Variants in PRKACA observed in about 807,000 individuals in gnomAD.
PRKACA encodes the protein cAMP-dependent protein kinase catalytic subunit alpha.
PRKACA carries 9 observed loss-of-function variants against 45.8 expected under a neutral mutation model. The observed-to-expected ratio is 0.20, with a 90% CI of 0.12 to 0.34. PRKACA has a LOEUF of 0.34. PRKACA is among the 10% of genes least tolerant of loss of function. The pLI, the probability that PRKACA is intolerant of heterozygous loss-of-function variation, is 1.00. For missense variants in PRKACA, 238 were observed against 458.6 expected (o/e 0.52, Z 4.39); for synonymous variants, 160 against 178.6 (o/e 0.90, Z 0.83).
At chr19:14,109,993 T>TAC (rs1568537553) in intron 1 of PRKACA, among the ~76,000 whole-genome samples, 2 of 78,908 alleles carry the variant, frequency 2.5e-5, no homozygotes, top group Non-Finnish European at 4.4e-5. Context: ...TATATATATA[T>TAC]ATATATACAC....
intron 1 of PRKACA, among the ~76,000 whole-genome samples, chr19:14,110,646 G>A (rs1225544838): frequency 2.0e-5 from 3 of 152,090 alleles, no homozygotes; most frequent in Admixed American, 6.6e-5. Context: ...TCTTAAATGC[G>A]CAGCCTGACA....
chr19:14,101,104 G>A, intron 4 of PRKACA, 196 bp from the exon 5 acceptor site: 1 of 573,328 alleles, frequency 1.7e-6, no homozygotes, highest in East Asian at 3.0e-5. Context: ...TCAGAGGTAT[G>A]TCAGGACCTG....
intron 3 of PRKACA, among the ~76,000 whole-genome samples, chr19:14,106,378 G>A (rs543809898): frequency 9.9e-5 from 15 of 152,204 alleles, no homozygotes; most frequent in African/African-American, 3.6e-4. Context: ...AAGCGGCCAG[G>A]CGCGGTGGCT....
intron 2 of PRKACA, 66 bp from the exon 3 acceptor site, chr19:14,106,954 GGGCA>G: frequency 6.3e-7 from 1 of 1,584,006 alleles, no homozygotes; most frequent in African/African-American, 1.4e-5. Context: ...CTAAGGTCTG[GGGCA>G]TCCCCTCTGC....
chr19:14,108,705 C>T (rs975123594), intron 1 of PRKACA, among the ~76,000 whole-genome samples: 1 of 151,120 alleles, frequency 6.6e-6, no homozygotes, highest in Admixed American at 6.6e-5. Context: ...CCACCATGCC[C>T]GGCCAATTTA....
intron 1 of PRKACA, among the ~76,000 whole-genome samples, chr19:14,116,963 AG>A (rs961223939): frequency 7.7e-5 from 7 of 90,552 alleles, no homozygotes; most frequent in Non-Finnish European, 1.3e-4. Context: ...TGGGTTTGGA[AG>A]GGGGGGCTGT....
At chr19:14,113,948 C>T (rs1277332670) in intron 1 of PRKACA, among the ~76,000 whole-genome samples, 1 of 152,164 alleles carries the variant, frequency 6.6e-6, no homozygotes, top group Non-Finnish European at 1.5e-5. Flanking sequence ...TGAACTGGGC[C>T]ACCGATCCCC....
chr19:14,117,312 G>A (rs1246156434), intron 1 of PRKACA, among the ~76,000 whole-genome samples, 190 bp downstream of exon 1: 1 of 151,810 alleles, frequency 6.6e-6, no homozygotes, highest in East Asian at 1.9e-4. Context: ...GCGGCCCTAG[G>A]GGAAGGGGAC....
chr19:14,102,725 C>T (rs1977479566), intron 4 of PRKACA, 91 bp downstream of exon 4: 2 of 1,081,056 alleles, frequency 1.9e-6, no homozygotes, highest in Admixed American at 1.8e-5. Flanking sequence ...AGAGCAGCCA[C>T]TGATTGTCCT....
At chr19:14,113,985 G>A in intron 1 of PRKACA, 5 of 860,092 alleles carry the variant, frequency 5.8e-6, no homozygotes, top group Middle Eastern at 4.5e-4. Flanking sequence ...CGCACAGCCC[G>A]GGGCTGTACA....
intron 3 of PRKACA, among the ~76,000 whole-genome samples, chr19:14,103,808 G>A (rs773894788): frequency 2.0e-4 from 31 of 152,198 alleles, no homozygotes; most frequent in Non-Finnish European, 1.5e-4. Context: ...GCTCACGCCC[G>A]TAATCCCAGC....
At chr19:14,106,703 G>C in intron 3 of PRKACA, 57 bp downstream of exon 3, 1 of 1,609,046 alleles carries the variant, frequency 6.2e-7, no homozygotes, top group South Asian at 1.1e-5. Context: ...TAAGGAGTGG[G>C]CACAGTCCAG....
rs1162385281 is a variant in PRKACA, at chr19:14,093,690, T to G, written c.868A>C (p.Asn290His). The stretch of plus-strand genomic sequence containing the variant: ...AACCACTTGTGGTTCTTGATATCGT[T>G]GACCCCATTCTTGAGGTTCCCAAAG... ...KRFGNLKNGVNDIKNHKWFAT... is the reference protein window; with the variant it reads ...KRFGNLKNGVHDIKNHKWFAT... The change falls in exon 9 of 10, where the codon AAC (asparagine) becomes CAC (histidine). Residue 290 changes from asparagine (N) to histidine (H), a missense_variant. By Grantham distance (68) the Asn-to-His change is moderately conservative. Coordinates refer to ENST00000308677, the MANE Select transcript of PRKACA (RefSeq NM_002730.4). 6.2e-7 allele frequency: 1 copy of G among 1,614,210 alleles called. No homozygotes were observed. Among genetic ancestry groups the G allele is most frequent in the Admixed American group, 1.7e-5 (1 of 60,012 alleles).
intron 4 of PRKACA, among the ~76,000 whole-genome samples, chr19:14,102,079 G>T (rs1331077783): frequency 6.6e-6 from 1 of 152,044 alleles, no homozygotes; most frequent in Non-Finnish European, 1.5e-5. Flanking sequence ...CAGGAGAATT[G>T]CTTGAACCCA....
intron 8 of PRKACA, among the ~76,000 whole-genome samples, chr19:14,094,968 T>C (rs1229496746): frequency 1.3e-5 from 2 of 152,226 alleles, no homozygotes; most frequent in Non-Finnish European, 2.9e-5. Context: ...ACCTTGGCCA[T>C]GGCCCTTAAC....
chr19:14,104,521 C>G (rs554750115), intron 3 of PRKACA, among the ~76,000 whole-genome samples: 1 of 150,958 alleles, frequency 6.6e-6, no homozygotes, highest in Non-Finnish European at 1.5e-5. Context: ...ACGGTGAAAC[C>G]CCATCTCTAC....
At chr19:14,114,281 G>C in intron 1 of PRKACA, 1 of 1,376,058 alleles carries the variant, frequency 7.3e-7, no homozygotes, top group African/African-American at 1.4e-5. Flanking sequence ...GCCGTGGGGT[G>C]GGAGCAGGAA....
chr19:14,107,626 A>G, intron 1 of PRKACA: 7 of 1,345,780 alleles, frequency 5.2e-6, no homozygotes, highest in Non-Finnish European at 6.8e-6. Flanking sequence ...AAAGTGGGGT[A>G]CAGAGAGTCT....
intron 1 of PRKACA, chr19:14,112,490 G>A (rs1265003240): frequency 6.6e-6 from 1 of 151,948 alleles, no homozygotes; most frequent in African/African-American, 2.4e-5. Context: ...CAGCCCCCTT[G>A]GGCTCTCCCT....
Sources: gnomAD v4.1 joint callset for allele counts (sites outside exome capture counted in the v4.1 genomes callset) on GRCh38, gnomAD v4.1.1 for gene constraint, MANE v1.5 for transcripts, NCBI Gene and HGNC (gene_info 2026-07-23, HGNC 2026-07-21) for gene names.